Variants in CADPS observed in about 807,000 individuals in gnomAD.
The protein encoded by CADPS is calcium-dependent secretion activator 1.
A neutral mutation model predicts 167.3 loss-of-function variants in CADPS; 57 were observed. The observed-to-expected ratio is 0.34, with a 90% CI of 0.28 to 0.42. CADPS has a LOEUF of 0.42. Among genes scored for constraint, CADPS ranks in the 20% least tolerant of loss-of-function variants. The pLI, the probability that CADPS is intolerant of heterozygous loss-of-function variation, is 1.00. For missense variants in CADPS, 1,414 were observed against 1,738.1 expected (o/e 0.81, Z 3.32); for synonymous variants, 676 against 635.3 (o/e 1.06, Z -0.96).
chr3:62,707,878 C>T (rs2082616238), intron 3 of CADPS, among the ~76,000 whole-genome samples: 1 of 151,608 alleles, frequency 6.6e-6, no homozygotes, highest in East Asian at 1.9e-4. Context: ...TTGTATTGAA[C>T]AGTGTTGGTA....
At chr3:62,671,212 A>C (rs1008426097) in intron 3 of CADPS, among the ~76,000 whole-genome samples, 2 of 152,182 alleles carry the variant, frequency 1.3e-5, no homozygotes, top group African/African-American at 4.8e-5. Context: ...TGCAAGGTTA[A>C]GGCCATAATG....
intron 6 of CADPS, among the ~76,000 whole-genome samples, chr3:62,595,422 C>T (rs1050418630): frequency 6.6e-6 from 1 of 152,032 alleles, no homozygotes; most frequent in Admixed American, 6.6e-5. Context: ...CAAATTCTGG[C>T]TTAGTCACTT....
rs2063896614 is a variant in CADPS at position 62,492,400 on chromosome 3, A to G, written c.2774T>C (p.Phe925Ser). The G allele has an allele frequency of 5.0e-6, 8 of 1,614,118 alleles. No homozygotes were observed. The highest frequency in any genetic ancestry group is 6.8e-6 in the Non-Finnish European group (8 of 1,179,958). Residue 925 changes from phenylalanine (F) to serine (S), a missense_variant, in exon 20 of 30, where the codon TTC becomes TCC. Around this residue, in one of 6 missense-constraint regions of CADPS, gnomAD observed 529 missense variants for 629.6 expected, o/e 0.84. Transcript: ENST00000383710. The stretch of plus-strand genomic sequence containing the variant: ...CATGTCTACTGCAAAGAGTGACAGG[A>G]ACGTCTCCGCATGCTCCACCATTAA... ...SDLMVEHAET[F>S]LSLFAVDMDA... is the part of the protein sequence containing the mutation.
rs765481863 is a variant in CADPS at position 62,592,631 on chromosome 3, G to A, written c.1437+6C>T. 1 of 1,609,108 alleles carries A rather than the reference G, an allele frequency of 6.2e-7. No homozygotes were observed. The highest frequency in any genetic ancestry group is 8.5e-7 in the Non-Finnish European group (1 of 1,175,544). On this transcript the variant is annotated splice_donor_region_variant and intron_variant, in intron 7 of 29. Transcript: ENST00000383710. The stretch of plus-strand genomic sequence containing the variant: ...TGGAGTTCCCCTTGTGATAAGAAGT[G>A]CTTACCCGCCCAAGCTCCTTGTCCT...
intron 28 of CADPS, among the ~76,000 whole-genome samples, chr3:62,405,459 A>AT (rs1054125467): frequency 9.8e-5 from 14 of 142,420 alleles, no homozygotes; most frequent in South Asian, 2.4e-4. Context: ...AAAAAAAAAA[A>AT]AAAAATAAAA....
At chr3:62,784,783 AG>A (rs1342758890) in intron 1 of CADPS, among the ~76,000 whole-genome samples, 22 of 151,916 alleles carry the variant, frequency 1.4e-4, no homozygotes, top group African/African-American at 5.3e-4. Context: ...ATAGGGAGAG[AG>A]AAATTCTATA....
At chr3:62,751,097 A>C (rs1437833505) in intron 3 of CADPS, among the ~76,000 whole-genome samples, 1 of 152,194 alleles carries the variant, frequency 6.6e-6, no homozygotes. Flanking sequence ...GAAAGGCTAC[A>C]CTAAGAATTT....
intron 9 of CADPS, among the ~76,000 whole-genome samples, chr3:62,558,349 C>T (rs574211064): frequency 6.6e-6 from 1 of 152,354 alleles, no homozygotes; most frequent in South Asian, 2.1e-4. Flanking sequence ...CACTCTAGTG[C>T]ATCCAGATCC....
intron 6 of CADPS, 36 bp from the exon 7 acceptor site, chr3:62,592,784 T>A (rs1441793785): frequency 6.8e-7 from 1 of 1,479,898 alleles, no homozygotes; most frequent in South Asian, 1.1e-5. Flanking sequence ...TGTAGACATA[T>A]CTGCCTTGAT....
intron 6 of CADPS, among the ~76,000 whole-genome samples, chr3:62,603,502 G>A (rs1052858711): frequency 1.3e-5 from 2 of 152,146 alleles, no homozygotes; most frequent in Non-Finnish European, 2.9e-5. Flanking sequence ...CACACTTTAT[G>A]CACATATAGA....
At chr3:62,645,880 A>T in intron 5 of CADPS, 37 bp from the exon 6 acceptor site, 4 of 1,612,094 alleles carry the variant, frequency 2.5e-6, no homozygotes, top group Non-Finnish European at 3.4e-6. Flanking sequence ...GGTTATTGGC[A>T]AGGCCCCTGG....
intron 1 of CADPS, among the ~76,000 whole-genome samples, chr3:62,839,824 A>G (rs1217008300): frequency 6.6e-6 from 1 of 152,174 alleles, no homozygotes; most frequent in Non-Finnish European, 1.5e-5. Flanking sequence ...AACAGTTAAG[A>G]GATAAACATG....
At chr3:62,796,565 CATT>C (rs899513873) in intron 1 of CADPS, 2 of 152,104 alleles carry the variant, frequency 1.3e-5, no homozygotes, top group African/African-American at 4.8e-5. Context: ...CTTAAAAAGA[CATT>C]AAAAATTTTT....
chr3:62,433,188 G>C lies in CADPS; in HGVS notation c.3777+4916C>G, dbSNP rs2054313819. On this transcript the variant is annotated intron_variant, in intron 28 of 29. Transcript: ENST00000383710. This position sits in a 1 kb window ranked among gnomAD's most constrained non-coding sequence, Gnocchi z 4.7. ...TAAGGTTGTTAAAATAAGGGTATCT[G>C]TGGTTTCATATATAAATATAGCAAA... 6.6e-6 allele frequency among the ~76,000 whole-genome samples: 1 copy of C among 152,140 alleles called. No homozygotes were observed. Among genetic ancestry groups the C allele is most frequent in the Admixed American group, 6.6e-5 (1 of 15,256 alleles).
chr3:62,524,614 C>T (rs537052590), intron 13 of CADPS, among the ~76,000 whole-genome samples: 33 of 152,232 alleles, frequency 2.2e-4, no homozygotes, highest in African/African-American at 7.7e-4. Context: ...TACAGTTCTC[C>T]TAAATATGTG....
chr3:62,715,371 T>A (rs2084282366), intron 3 of CADPS, among the ~76,000 whole-genome samples: 1 of 148,792 alleles, frequency 6.7e-6, no homozygotes, highest in Non-Finnish European at 1.5e-5. Flanking sequence ...TCTATCTATC[T>A]ACCTATCTAT....
chr3:62,873,617 CTTTTT>C (rs3047307), intron 1 of CADPS, among the ~76,000 whole-genome samples: 1 of 132,320 alleles, frequency 7.6e-6, no homozygotes, highest in Non-Finnish European at 1.6e-5. Context: ...AAATAGGCGC[CTTTTT>C]TTTTTTTTTT....
chr3:62,640,422 C>T (rs371298501), intron 6 of CADPS, among the ~76,000 whole-genome samples: 17 of 152,260 alleles, frequency 1.1e-4, no homozygotes, highest in Middle Eastern at 3.4e-3. Context: ...CTGGCCCATT[C>T]TACACTCTAC....
intron 1 of CADPS, among the ~76,000 whole-genome samples, chr3:62,850,722 G>T (rs1213761018): frequency 1.3e-5 from 2 of 151,720 alleles, no homozygotes; most frequent in African/African-American, 2.4e-5. Flanking sequence ...AATAGGTGTG[G>T]TGTGGTGCTG....
Sources: gnomAD v4.1 joint callset for allele counts (sites outside exome capture counted in the v4.1 genomes callset) on GRCh38, gnomAD v4.1.1 for gene constraint, gnomAD v4.1.1 regional missense constraint, Gnocchi (gnomAD v3.1) non-coding constraint, MANE v1.5 for transcripts, NCBI Gene and HGNC (gene_info 2026-07-23, HGNC 2026-07-21) for gene names.